The following NBEAL1 variants were observed in gnomAD, a reference collection of about 807,000 sequenced individuals.
NBEAL1 encodes the protein neurobeachin-like protein 1.
Under a neutral mutation model 351.3 loss-of-function variants are expected in NBEAL1, and 273 were observed. The observed-to-expected ratio is 0.78, with a 90% confidence interval of 0.70 to 0.86. The LOEUF is 0.86. NBEAL1 is among the 40% of genes least tolerant of loss of function. NBEAL1 has a pLI of 0.00. For missense variants in NBEAL1, 2,961 were observed against 3,201.3 expected, an observed-to-expected ratio of 0.92 and a Z score of 1.81; for synonymous variants, 1,050 against 1,086.4, an observed-to-expected ratio of 0.97 and a Z score of 0.66.
intron 55 of NBEAL1, among the ~76,000 whole-genome samples, chr2:203,216,828 G>T (rs1303028724): frequency 6.6e-6 from 1 of 152,118 alleles, no homozygotes; most frequent in Non-Finnish European, 1.5e-5. Flanking sequence ...GAGAGAGAGA[G>T]AGTTTCACTA....
In NBEAL1 at chr2:203,110,223, A is replaced by G. The variant is rs1250269372; in HGVS notation, c.2023A>G (p.Thr675Ala). Residue 675 changes from threonine (T) to alanine (A), a missense_variant, in exon 15 of 56, where the codon ACA (threonine) becomes GCA (alanine). By Grantham distance (58) the Thr-to-Ala change is moderately conservative (BLOSUM62 0). Coordinates refer to ENST00000683969, the MANE Select transcript of NBEAL1 (RefSeq NM_001378026.1). ...HSGMLVVAVC[T>A]KREYATVMLP... Reference sequence around the variant, plus strand: ...AGGTATGTTGGTCGTGGCAGTGTGCACAAAAAGAGAATATGCAACGGTTAT... The same window carrying G: ...AGGTATGTTGGTCGTGGCAGTGTGCGCAAAAAGAGAATATGCAACGGTTAT... 3 of 1,553,694 alleles carry G rather than the reference A, an allele frequency of 1.9e-6. No individual in the cohort carries two copies. The highest frequency in any genetic ancestry group is 1.2e-5 in the South Asian group (1 of 84,196).
At chr2:203,175,032 T>A (rs1649782487) in intron 41 of NBEAL1, 115 bp from the exon 42 acceptor site, 11 of 886,332 alleles carry the variant, frequency 1.2e-5, no homozygotes, top group South Asian at 1.1e-4. Flanking sequence ...TAATGAGGCA[T>A]ATGAAGAAGG....
At chr2:203,192,992 G>A (rs12477308) in intron 46 of NBEAL1, among the ~76,000 whole-genome samples, 14 of 91,376 alleles carry the variant, frequency 1.5e-4, no homozygotes, top group East Asian at 1.2e-3. Flanking sequence ...TTTTTTTTGA[G>A]ATGGAGTCTT....
intron 43 of NBEAL1, chr2:203,182,730 C>T (rs1473306574): frequency 1.3e-5 from 2 of 152,118 alleles, no homozygotes; most frequent in Non-Finnish European, 1.5e-5. Context: ...TTAACAGTCC[C>T]CCTTCTCCCC....
chr2:203,024,392 T>C (rs2060820903), intron 2 of NBEAL1, among the ~76,000 whole-genome samples: 1 of 151,568 alleles, frequency 6.6e-6, no homozygotes, highest in Non-Finnish European at 1.5e-5. Flanking sequence ...ACCTCATCTC[T>C]ACTGAAAATA....
At chr2:203,077,523 T>C (rs1301969099) in intron 7 of NBEAL1, among the ~76,000 whole-genome samples, 3 of 152,332 alleles carry the variant, frequency 2.0e-5, no homozygotes, top group South Asian at 4.1e-4. Context: ...ATCATCCTTA[T>C]ATGGAGAATT....
chr2:203,035,820 A>G lies in NBEAL1; in HGVS notation c.52-5945A>G, dbSNP rs890616117. On this transcript the variant is annotated intron_variant, in intron 2 of 55. Coordinates refer to ENST00000683969, the MANE Select transcript of NBEAL1 (RefSeq NM_001378026.1). ...CATTTAGATATGTGTAGCATAGAAC[A>G]TTACTGTTTTGTGGGAGTTTCCTGA... Among the ~76,000 whole-genome samples the G allele has an allele frequency of 1.9e-4, 29 of 149,342 alleles. 2 individuals carry two copies. The highest frequency in any genetic ancestry group is 5.8e-4 in the African/African-American group (24 of 41,108).
Position 203,016,141 on chromosome 2 carries a change from TTTTCTC to T in NBEAL1, c.-229-10_-229-5del. On this transcript the variant is annotated splice_polypyrimidine_tract_variant and intron_variant, in intron 1 of 55. Transcript: ENST00000683969. The stretch of plus-strand genomic sequence containing the variant: ...GCCTCTTTTTCTAACCTGTGGATGT[TTTTCTC>T]TTTCACAGATTTATTTAATTGCCCA... 1 of 343,238 alleles carries T rather than the reference TTTTCTC, an allele frequency of 2.9e-6. No homozygotes were observed. The highest frequency in any genetic ancestry group is 5.2e-6 in the Non-Finnish European group (1 of 192,874). 21.3% of individuals were successfully genotyped at this position (343,238 alleles called of 1,614,324 possible).
chr2:203,018,348 A>G (rs1267924801), intron 2 of NBEAL1, among the ~76,000 whole-genome samples: 2 of 150,318 alleles, frequency 1.3e-5, no homozygotes, highest in African/African-American at 4.9e-5. Flanking sequence ...ATTTTCTACC[A>G]CTTAGTTTCA....
intron 8 of NBEAL1, among the ~76,000 whole-genome samples, chr2:203,078,554 G>A (rs1228116701): frequency 6.6e-6 from 1 of 152,140 alleles, no homozygotes; most frequent in South Asian, 2.1e-4. Context: ...TTGCCCAGGC[G>A]GGTCAAACTG....
chr2:203,102,234 G>A (rs551072763), intron 12 of NBEAL1, among the ~76,000 whole-genome samples: 9 of 152,276 alleles, frequency 5.9e-5, no homozygotes, highest in South Asian at 2.1e-4. Flanking sequence ...TTTTCTAGGC[G>A]TAGAATCATA....
At chr2:203,094,090 G>A (rs988751847) in intron 10 of NBEAL1, among the ~76,000 whole-genome samples, 2 of 152,058 alleles carry the variant, frequency 1.3e-5, no homozygotes, top group African/African-American at 4.8e-5. Context: ...TTAGCCCAAG[G>A]TCAACACTAA....
At chr2:203,097,194 T>C (rs967423898) in intron 10 of NBEAL1, among the ~76,000 whole-genome samples, 2 of 152,074 alleles carry the variant, frequency 1.3e-5, no homozygotes, top group Non-Finnish European at 2.9e-5. Flanking sequence ...ACATGGGAAT[T>C]TGGGGAGCTA....
chr2:203,110,213 G>A lies in NBEAL1; in HGVS notation c.2013G>A (p.Val671=). ...TTACCCATTCAGGTATGTTGGTCGTGGCAGTGTGCACAAAAAGAGAATATG... is the reference window on the plus strand; with the variant it reads ...TTACCCATTCAGGTATGTTGGTCGTAGCAGTGTGCACAAAAAGAGAATATG... ...AFITHSGMLV[V]AVCTKREYAT... is the part of the protein sequence containing the mutation. The change falls in exon 15 of 56, where the codon GTG becomes GTA. Residue 671 remains valine (V), a synonymous_variant. Transcript: ENST00000683969. The A allele has an allele frequency of 6.4e-7, 1 of 1,553,706 alleles. No homozygotes were observed. Among genetic ancestry groups the A allele is most frequent in the South Asian group, 1.2e-5 (1 of 84,220 alleles).
intron 15 of NBEAL1, among the ~76,000 whole-genome samples, chr2:203,110,694 T>TAAATAAAC (rs1179527043): frequency 6.8e-6 from 1 of 146,828 alleles, no homozygotes; most frequent in Non-Finnish European, 1.5e-5. Context: ...AATAAATAAA[T>TAAATAAAC]AAATAAATAA....
chr2:203,030,369 T>TA (rs2060930857), intron 2 of NBEAL1, among the ~76,000 whole-genome samples: 2 of 152,118 alleles, frequency 1.3e-5, no homozygotes, highest in Admixed American at 1.3e-4. Context: ...TGTAAGTGGG[T>TA]AGGAGTTAGA....
At chr2:203,015,366 C>T (rs2060660088) in intron 1 of NBEAL1, among the ~76,000 whole-genome samples, 1 of 152,152 alleles carries the variant, frequency 6.6e-6, no homozygotes, top group Non-Finnish European at 1.5e-5. Flanking sequence ...GGCGGGTGGA[C>T]TTCCACTCTC....
intron 3 of NBEAL1, among the ~76,000 whole-genome samples, chr2:203,048,913 C>G (rs1186464566): frequency 6.8e-6 from 1 of 146,962 alleles, no homozygotes; most frequent in South Asian, 2.1e-4. Flanking sequence ...CCTTTTATCT[C>G]TCTTCTTTCC....
intron 7 of NBEAL1, among the ~76,000 whole-genome samples, chr2:203,074,217 G>A (rs570104622): frequency 1.3e-5 from 2 of 151,054 alleles, no homozygotes; most frequent in East Asian, 3.9e-4. Flanking sequence ...TATGCAATTT[G>A]TATTTGTCAA....
Sources: gnomAD v4.1 joint callset for allele counts (sites outside exome capture counted in the v4.1 genomes callset) on GRCh38, gnomAD v4.1.1 for gene constraint, MANE v1.5 for transcripts, NCBI Gene and HGNC (gene_info 2026-07-23, HGNC 2026-07-21) for gene names.